KPNA4: variants seen among roughly 807,000 people sequenced by gnomAD.
The protein encoded by KPNA4 is importin subunit alpha-3.
Under a neutral mutation model 71.3 loss-of-function variants are expected in KPNA4, and 13 were observed. That is an observed-to-expected ratio of 0.18 (90% confidence interval 0.12 to 0.29). KPNA4 has a LOEUF of 0.29. Ranked by LOEUF, KPNA4 falls within the 10% of genes least tolerant of loss-of-function variation. KPNA4 has a pLI of 1.00. For missense variants in KPNA4, 334 were observed against 603.2 expected (o/e 0.55, Z 4.67); for synonymous variants, 189 against 195.2 (o/e 0.97, Z 0.26).
Position 160,507,499 on chromosome 3 carries a change from C to CAAAAAAAAAAAAAAAAAA in KPNA4, c.1372+590_1372+607dup, listed in dbSNP as rs57528939. Among the ~76,000 whole-genome samples, 3 of 49,482 alleles carry CAAAAAAAAAAAAAAAAAA rather than the reference C, an allele frequency of 6.1e-5. 1 individual carries two copies. The highest frequency in any genetic ancestry group is 1.4e-4 in the Non-Finnish European group (3 of 21,826). The allele number at this position is 49,482 out of a possible 152,430, so 32.5% of individuals were successfully genotyped here. A position where few individuals can be genotyped will look rare whatever the true frequency, so the allele number is the denominator to read the frequency against. ...TGGGCAACAGAGCAAGACACTGTCT[C>CAAAAAAAAAAAAAAAAAA]AAAAAAAAAAAAAAAAAAAAAAAGC... On this transcript the variant is annotated intron_variant, in intron 15 of 16. Transcript: ENST00000334256.
chr3:160,565,073 C>A (rs1333530320), intron 1 of KPNA4, 141 bp downstream of exon 1: 5 of 660,684 alleles, frequency 7.6e-6, no homozygotes, highest in Non-Finnish European at 1.3e-5. Context: ...CTAGCAGAGG[C>A]GTCACAGACG....
intron 1 of KPNA4, among the ~76,000 whole-genome samples, chr3:160,538,571 T>C (rs1277551815): frequency 1.3e-5 from 2 of 152,144 alleles, no homozygotes. Flanking sequence ...TTGTAAAAAG[T>C]CAGATCATAT....
intron 11 of KPNA4, among the ~76,000 whole-genome samples, chr3:160,519,379 T>C (rs1721296092): frequency 6.6e-6 from 1 of 152,238 alleles, no homozygotes; most frequent in South Asian, 2.1e-4. Context: ...GTGGTCTTTA[T>C]CTGGATACTG....
chr3:160,508,081 G>A, intron 15 of KPNA4, 26 bp downstream of exon 15: 1 of 1,550,114 alleles, frequency 6.5e-7, no homozygotes. Context: ...ATTAAGATGT[G>A]GAATAAGAGC....
At chr3:160,514,878 T>C (rs762953294) in intron 12 of KPNA4, 21 of 459,590 alleles carry the variant, frequency 4.6e-5, no homozygotes, top group Non-Finnish European at 1.7e-5. Flanking sequence ...TAAAAAATAT[T>C]AGTATTAGCT....
In KPNA4 at chr3:160,500,882, G is replaced by A. The variant is rs2108540963; in HGVS notation, c.*1222C>T. 6.6e-6 allele frequency: 1 copy of A among 152,642 alleles called. No individual in the cohort carries two copies. The highest frequency in any genetic ancestry group is 2.1e-4 in the South Asian group (1 of 4,820). 9.5% of individuals were successfully genotyped at this position (152,642 alleles called of 1,614,324 possible). A position where few individuals can be genotyped will look rare whatever the true frequency, so the allele number is the denominator to read the frequency against. On this transcript the variant is annotated 3_prime_UTR_variant, in exon 17 of 17. Coordinates refer to ENST00000334256, the MANE Select transcript of KPNA4 (RefSeq NM_002268.5). Reference sequence around the variant, plus strand: ...CATAGAAAACAAAGTTTGAAAACAAGTAACATTTAAACACAGCACGGTATT... The same window carrying A: ...CATAGAAAACAAAGTTTGAAAACAAATAACATTTAAACACAGCACGGTATT...
chr3:160,550,030 ACT>A (rs1491394649), intron 1 of KPNA4, among the ~76,000 whole-genome samples: 13 of 152,094 alleles, frequency 8.5e-5, no homozygotes. Flanking sequence ...CAGATTGTTC[ACT>A]GTTAGTGTAT....
chr3:160,509,936 C>T, intron 13 of KPNA4, 65 bp from the exon 14 acceptor site: 1 of 1,004,908 alleles, frequency 1.0e-6, no homozygotes, highest in Non-Finnish European at 1.6e-6. Flanking sequence ...AAAATGTTTG[C>T]TGTGATGATT....
At chr3:160,520,889 G>A (rs985746558) in intron 11 of KPNA4, among the ~76,000 whole-genome samples, 1 of 152,210 alleles carries the variant, frequency 6.6e-6, no homozygotes, top group African/African-American at 2.4e-5. Context: ...GGTAGAGGGA[G>A]CTTGCTGCGT....
chr3:160,513,259 T>TTG (rs1388667539), intron 13 of KPNA4, among the ~76,000 whole-genome samples: 1 of 142,436 alleles, frequency 7.0e-6, no homozygotes, highest in Admixed American at 7.0e-5. Flanking sequence ...GTTTTTTTTT[T>TTG]TTTTTTTTTT....
chr3:160,497,784 T>C lies in KPNA4; in HGVS notation c.*4320A>G, dbSNP rs1002116221. 6.6e-6 allele frequency: 1 copy of C among 152,216 alleles called. No homozygotes were observed. Among genetic ancestry groups the C allele is most frequent in the South Asian group, 2.1e-4 (1 of 4,836 alleles). The allele number at this position is 152,216 out of a possible 1,614,324, so 9.4% of individuals were successfully genotyped here. On this transcript the variant is annotated 3_prime_UTR_variant, in exon 17 of 17. Coordinates refer to ENST00000334256, the MANE Select transcript of KPNA4 (RefSeq NM_002268.5). ...ATGGTGGATTCTAACTGAAATTTTA[T>C]ATATAAATGGTAGATAATCCACCAA...
At chr3:160,541,776 G>C (rs1721803838) in intron 1 of KPNA4, among the ~76,000 whole-genome samples, 1 of 151,338 alleles carries the variant, frequency 6.6e-6, no homozygotes, top group Non-Finnish European at 1.5e-5. Flanking sequence ...TAATTGCCAA[G>C]CATTAGAAAT....
chr3:160,519,070 A>C lies in KPNA4; in HGVS notation c.903+2709T>G, dbSNP rs576524814. Among the ~76,000 whole-genome samples, 3 of 148,940 alleles carry C rather than the reference A, an allele frequency of 2.0e-5. No homozygotes were observed. The South Asian group carries it at 6.3e-4, about 31-fold the overall frequency. On this transcript the variant is annotated intron_variant, in intron 11 of 16. Coordinates refer to ENST00000334256, the MANE Select transcript of KPNA4 (RefSeq NM_002268.5). Reference sequence around the variant, plus strand: ...CTATTTCTAGGCCCCTTATATTTCCATATGGATTTTAAGATCTGTTTGTAA... The same window carrying C: ...CTATTTCTAGGCCCCTTATATTTCCCTATGGATTTTAAGATCTGTTTGTAA...
intron 11 of KPNA4, among the ~76,000 whole-genome samples, chr3:160,517,633 G>A (rs182636541): frequency 2.1e-4 from 32 of 152,052 alleles, no homozygotes; most frequent in African/African-American, 5.8e-4. Flanking sequence ...GTATGTTATC[G>A]TCTTCCTAAC....
intron 16 of KPNA4, among the ~76,000 whole-genome samples, chr3:160,502,692 C>A (rs908871071): frequency 2.6e-5 from 4 of 151,766 alleles, no homozygotes; most frequent in Admixed American, 6.6e-5. Context: ...TTAAGGGATG[C>A]CAAAATGAGA....
chr3:160,540,183 T>C (rs1577058533), intron 1 of KPNA4, among the ~76,000 whole-genome samples: 1 of 151,872 alleles, frequency 6.6e-6, no homozygotes. Context: ...GTGTTTTTAG[T>C]AGAGATGGGG....
intron 1 of KPNA4, among the ~76,000 whole-genome samples, chr3:160,551,353 T>C (rs1722036971): frequency 6.6e-6 from 1 of 152,132 alleles, no homozygotes; most frequent in Admixed American, 6.6e-5. Flanking sequence ...TATCAGAATA[T>C]AGGTACATAA....
chr3:160,537,979 T>A (rs1020995127), intron 1 of KPNA4, among the ~76,000 whole-genome samples: 1 of 152,026 alleles, frequency 6.6e-6, no homozygotes, highest in Non-Finnish European at 1.5e-5. Context: ...GAGTCTAGTA[T>A]AATGACAGCA....
rs1462653783 is a variant in KPNA4, at chr3:160,497,100, A to G, written c.*5004T>C. The G allele has an allele frequency of 6.6e-6, 1 of 152,144 alleles. No homozygotes were observed. Among genetic ancestry groups the G allele is most frequent in the Non-Finnish European group, 1.5e-5 (1 of 68,030 alleles). The allele number at this position is 152,144 out of a possible 1,614,324, so 9.4% of individuals were successfully genotyped here. A position where few individuals can be genotyped will look rare whatever the true frequency, so the allele number is the denominator to read the frequency against. On this transcript the variant is annotated 3_prime_UTR_variant, in exon 17 of 17. Transcript: ENST00000334256. ...TAGAATAGTTTTACCAATGTTCATT[A>G]TTTTTCAACTTCCTTTATTAAGAAT...
Sources: gnomAD v4.1 joint callset for allele counts (sites outside exome capture counted in the v4.1 genomes callset) on GRCh38, gnomAD v4.1.1 for gene constraint, MANE v1.5 for transcripts, NCBI Gene and HGNC (gene_info 2026-07-23, HGNC 2026-07-21) for gene names.